Variants in ACER2 observed in about 807,000 individuals in gnomAD.
ACER2 encodes alkaline ceramidase 2.
In ACER2, 26 loss-of-function variants were observed where a neutral mutation model predicts 34.7. The ratio of observed to expected loss-of-function variants is 0.75; its 90% CI spans 0.55 to 1.04. ACER2 has a LOEUF of 1.04. Among genes scored for constraint, ACER2 ranks in the 50% least tolerant of loss-of-function variants. The pLI, the probability that ACER2 is intolerant of heterozygous loss-of-function variation, is 0.00. For synonymous variants in ACER2, 138 were observed against 132.1 expected, an observed-to-expected ratio of 1.04 and a Z score of -0.31; for missense variants, 352 against 340.8, an observed-to-expected ratio of 1.03 and a Z score of -0.26.
At position 19,449,370 on chromosome 9, in the gene ACER2, T is replaced by C. The variant is rs542006444; in HGVS notation, c.642-1080T>C. On this transcript the variant is annotated intron_variant, in intron 5 of 5. Transcript: ENST00000340967. ...CCACCCTGACCCTGATTAATTTCTT[T>C]AGTGTTCTTTGTATGTAGGGATTTA... 1.2e-4 allele frequency among the ~76,000 whole-genome samples: 18 copies of C among 152,340 alleles called. No individual in the cohort carries two copies. The East Asian group carries it at 2.5e-3, about 21-fold the overall frequency.
chr9:19,413,565 A>C (rs923771714), intron 1 of ACER2, among the ~76,000 whole-genome samples: 42 of 151,664 alleles, frequency 2.8e-4, no homozygotes, highest in Admixed American at 2.3e-3. Context: ...AGGCCACTGC[A>C]TTCCAGCCTG....
chr9:19,410,333 C>G (rs1191606479), intron 1 of ACER2, among the ~76,000 whole-genome samples: 1 of 152,156 alleles, frequency 6.6e-6, no homozygotes, highest in Non-Finnish European at 1.5e-5. Flanking sequence ...AGTCTGGGCC[C>G]TTCCTTCCCT....
At position 19,450,853 on chromosome 9, in the gene ACER2, T is replaced by G; in HGVS notation, c.*217T>G. ...TTCCCTGCCCCCCTGCAGTTTCCCATTTGTCTTTCAGTATGTTAATATTTT... is the reference window on the plus strand; with the variant it reads ...TTCCCTGCCCCCCTGCAGTTTCCCAGTTGTCTTTCAGTATGTTAATATTTT... On this transcript the variant is annotated 3_prime_UTR_variant, in exon 6 of 6. Transcript: ENST00000340967. 1 of 384,006 alleles carries G rather than the reference T, an allele frequency of 2.6e-6. No homozygotes were observed. Among genetic ancestry groups the G allele is most frequent in the Non-Finnish European group, 4.5e-6 (1 of 220,102 alleles). 23.8% of individuals were successfully genotyped at this position (384,006 alleles called of 1,614,324 possible).
intron 1 of ACER2, among the ~76,000 whole-genome samples, chr9:19,418,681 C>G (rs1249830293): frequency 2.6e-5 from 4 of 152,090 alleles, no homozygotes; most frequent in Non-Finnish European, 5.9e-5. Flanking sequence ...ACATCACACA[C>G]CGGGGCCTTT....
At chr9:19,430,148 C>G (rs932373661) in intron 3 of ACER2, among the ~76,000 whole-genome samples, 1 of 144,280 alleles carries the variant, frequency 6.9e-6, no homozygotes, top group Non-Finnish European at 1.5e-5. Flanking sequence ...GTAAAAAAGC[C>G]AATGATAGTG....
Position 19,436,386 on chromosome 9 carries a change from C to T in ACER2, c.503+1302C>T, listed in dbSNP as rs748458883. ...ATAGACAAGCAAAAAAGAAATCTGTCACTTATTCAGGAAAATTAATATTTG... is the reference window on the plus strand; with the variant it reads ...ATAGACAAGCAAAAAAGAAATCTGTTACTTATTCAGGAAAATTAATATTTG... On this transcript the variant is annotated intron_variant, in intron 4 of 5. Transcript: ENST00000340967. Among the ~76,000 whole-genome samples the T allele has an allele frequency of 3.2e-4, 49 of 152,228 alleles. 2 individuals are homozygous for T. Among genetic ancestry groups the T allele is most frequent in the Admixed American group, 2.6e-4 (4 of 15,296 alleles).
intron 3 of ACER2, among the ~76,000 whole-genome samples, chr9:19,434,232 G>C (rs1436537978): frequency 2.0e-5 from 3 of 151,596 alleles, no homozygotes; most frequent in Non-Finnish European, 2.9e-5. Context: ...GGGAAGAGGC[G>C]CTCCTCACTT....
chr9:19,428,669 T>C (rs568868105), intron 3 of ACER2, among the ~76,000 whole-genome samples: 1 of 150,278 alleles, frequency 6.7e-6, no homozygotes, highest in Admixed American at 6.7e-5. Flanking sequence ...CCTGATGGGA[T>C]CAGAAATACA....
At chr9:19,425,543 C>G (rs1390332405) in intron 3 of ACER2, among the ~76,000 whole-genome samples, 1 of 152,194 alleles carries the variant, frequency 6.6e-6, no homozygotes, top group Non-Finnish European at 1.5e-5. Context: ...CTCTAATGAG[C>G]TTACACTGAA....
intron 4 of ACER2, among the ~76,000 whole-genome samples, chr9:19,443,175 T>A (rs1831215934): frequency 6.6e-6 from 1 of 152,126 alleles, no homozygotes; most frequent in Admixed American, 6.5e-5. Flanking sequence ...GGACTTCAGG[T>A]GCCTGCCACC....
At chr9:19,430,202 C>T (rs1198002486) in intron 3 of ACER2, among the ~76,000 whole-genome samples, 1 of 146,482 alleles carries the variant, frequency 6.8e-6, no homozygotes, top group Non-Finnish European at 1.5e-5. Context: ...TTAAAAGGGA[C>T]ACAGGCTATA....
rs1397640004 is a variant in ACER2 at position 19,451,412 on chromosome 9, C to T, written c.*776C>T. 1 of 152,674 alleles carries T rather than the reference C, an allele frequency of 6.5e-6. No homozygotes were observed. Among genetic ancestry groups the T allele is most frequent in the Admixed American group, 6.5e-5 (1 of 15,282 alleles). The allele number at this position is 152,674 out of a possible 1,614,324, so 9.5% of individuals were successfully genotyped here. A position where few individuals can be genotyped will look rare whatever the true frequency, so the allele number is the denominator to read the frequency against. ...CTAGTTTTTCACTTGCATTTCTCAA[C>T]TAACCCAGGTTTTACATGCATCTGT... On this transcript the variant is annotated 3_prime_UTR_variant, in exon 6 of 6. Coordinates refer to ENST00000340967, the MANE Select transcript of ACER2 (RefSeq NM_001010887.3).
At chr9:19,418,881 A>G (rs572371057) in intron 1 of ACER2, among the ~76,000 whole-genome samples, 2 of 152,316 alleles carry the variant, frequency 1.3e-5, no homozygotes, top group South Asian at 4.1e-4. Context: ...CTTTGATCAT[A>G]ACAATGAATA....
intron 1 of ACER2, among the ~76,000 whole-genome samples, chr9:19,411,028 A>C (rs2132450355): frequency 6.6e-6 from 1 of 152,292 alleles, no homozygotes; most frequent in South Asian, 2.1e-4. Flanking sequence ...AACCTTGGTT[A>C]TTTTGGCCAA....
chr9:19,420,776 G>C (rs1830381038), intron 1 of ACER2, among the ~76,000 whole-genome samples: 1 of 152,092 alleles, frequency 6.6e-6, no homozygotes, highest in Non-Finnish European at 1.5e-5. Flanking sequence ...CAGCAGGTTG[G>C]GGGTCTGGCA....
chr9:19,420,349 G>C (rs559928436), intron 1 of ACER2, among the ~76,000 whole-genome samples: 13 of 152,176 alleles, frequency 8.5e-5, no homozygotes, highest in African/African-American at 2.6e-4. Flanking sequence ...ACCCCATCCC[G>C]ATGGGTGTTA....
At chr9:19,413,555 A>G (rs949128424) in intron 1 of ACER2, among the ~76,000 whole-genome samples, 2 of 151,414 alleles carry the variant, frequency 1.3e-5, no homozygotes, top group Non-Finnish European at 2.9e-5. Flanking sequence ...AGCCAAGATG[A>G]GGCCACTGCA....
chr9:19,421,367 T>C (rs1830402368), intron 1 of ACER2, among the ~76,000 whole-genome samples: 1 of 152,176 alleles, frequency 6.6e-6, no homozygotes, highest in South Asian at 2.1e-4. Context: ...ATAGACAAAA[T>C]AAATGTAGTA....
rs111270856 is a variant in ACER2 at position 19,413,876 on chromosome 9, C to T, written c.108+4684C>T. Among the ~76,000 whole-genome samples, 947 of 152,330 alleles carry T rather than the reference C, an allele frequency of 6.2e-3. 9 individuals carry two copies. The highest frequency in any genetic ancestry group is 0.023 in the South Asian group (111 of 4,826). ...GTTATATGCCAAGTCCTAAGTCCCGCTCTCTTCAGGCTGAATCTATCGGTC... is the reference window on the plus strand; with the variant it reads ...GTTATATGCCAAGTCCTAAGTCCCGTTCTCTTCAGGCTGAATCTATCGGTC... On this transcript the variant is annotated intron_variant, in intron 1 of 5. Coordinates refer to ENST00000340967, the MANE Select transcript of ACER2 (RefSeq NM_001010887.3).
Sources: allele counts gnomAD v4.1 joint callset (sites outside exome capture counted in the v4.1 genomes callset), GRCh38; gene constraint gnomAD v4.1.1; transcripts MANE v1.5; gene names NCBI Gene and HGNC (gene_info 2026-07-23, HGNC 2026-07-21).